Variants in GPM6A observed in about 807,000 individuals in gnomAD.
GPM6A encodes neuronal membrane glycoprotein M6-a.
A neutral mutation model predicts 32.1 loss-of-function variants in GPM6A; 7 were observed. The ratio of observed to expected loss-of-function variants is 0.22; its 90% confidence interval spans 0.12 to 0.41. The LOEUF is 0.41. Among genes scored for constraint, GPM6A ranks in the 10% least tolerant of loss-of-function variants. The pLI, the probability that GPM6A is intolerant of heterozygous loss-of-function variation, is 1.00. For missense variants in GPM6A, 235 were observed against 347.2 expected (o/e 0.68, Z 2.57); for synonymous variants, 130 against 123.4 (o/e 1.05, Z -0.35).
At chr4:175,891,038 A>C (rs1737632593) in intron 1 of GPM6A, among the ~76,000 whole-genome samples, 1 of 152,198 alleles carries the variant, frequency 6.6e-6, no homozygotes, top group Non-Finnish European at 1.5e-5. Flanking sequence ...AGCTAACACT[A>C]ACAACTAGGG....
chr4:175,799,125 C>T (rs1734358303), intron 1 of GPM6A, among the ~76,000 whole-genome samples: 1 of 152,080 alleles, frequency 6.6e-6, no homozygotes, highest in African/African-American at 2.4e-5. Flanking sequence ...CCCAACGTGG[C>T]TTTAAATAGC....
intron 1 of GPM6A, among the ~76,000 whole-genome samples, chr4:175,978,338 A>G (rs1740722227): frequency 6.6e-6 from 1 of 152,206 alleles, no homozygotes; most frequent in African/African-American, 2.4e-5. Context: ...CTATCATGAG[A>G]ACAGCATGGG....
At chr4:175,930,264 C>T (rs1205788467) in intron 1 of GPM6A, among the ~76,000 whole-genome samples, 1 of 151,990 alleles carries the variant, frequency 6.6e-6, no homozygotes, top group Non-Finnish European at 1.5e-5. Flanking sequence ...AGTTTCAAAA[C>T]AAAACTGCCA....
chr4:175,758,928 G>T (rs1397577825), intron 1 of GPM6A, among the ~76,000 whole-genome samples: 2 of 152,144 alleles, frequency 1.3e-5, no homozygotes, highest in Non-Finnish European at 2.9e-5. Flanking sequence ...CTTCCATTTT[G>T]TGGCAAAATG....
intron 1 of GPM6A, among the ~76,000 whole-genome samples, chr4:175,757,600 C>T (rs1420689796): frequency 1.3e-5 from 2 of 152,102 alleles, no homozygotes; most frequent in African/African-American, 4.8e-5. Flanking sequence ...TGAATGTTCT[C>T]AACATAAAGT....
At chr4:175,944,803 A>G (rs1337590982) in intron 1 of GPM6A, among the ~76,000 whole-genome samples, 2 of 152,202 alleles carry the variant, frequency 1.3e-5, no homozygotes, top group Non-Finnish European at 2.9e-5. Context: ...AACAGACATG[A>G]ATACAAAGGA....
chr4:175,879,972 C>A (rs1369439957), intron 1 of GPM6A, among the ~76,000 whole-genome samples: 1 of 152,044 alleles, frequency 6.6e-6, no homozygotes, highest in Non-Finnish European at 1.5e-5. Context: ...ATGCCTATGT[C>A]CTGAGTGGTA....
chr4:175,713,909 A>T (rs1164833926), intron 1 of GPM6A, among the ~76,000 whole-genome samples: 1 of 151,136 alleles, frequency 6.6e-6, no homozygotes, highest in African/African-American at 2.4e-5. Flanking sequence ...TTTCTCTCCA[A>T]TTTCCATCTT....
At chr4:175,731,729 G>A (rs975850311) in intron 1 of GPM6A, among the ~76,000 whole-genome samples, 1 of 152,062 alleles carries the variant, frequency 6.6e-6, no homozygotes, top group Non-Finnish European at 1.5e-5. Flanking sequence ...CACTTTGATA[G>A]CCCCTAAGTA....
chr4:175,798,873 T>TA (rs1316052239), intron 1 of GPM6A, among the ~76,000 whole-genome samples: 1 of 152,216 alleles, frequency 6.6e-6, no homozygotes, highest in Non-Finnish European at 1.5e-5. Context: ...AAGGGAAATG[T>TA]AAAATGCATT....
At position 175,953,249 on chromosome 4, in the gene GPM6A, C is replaced by T. The variant is rs531334614; in HGVS notation, c.-23+49060G>A. 1.1e-4 allele frequency among the ~76,000 whole-genome samples: 16 copies of T among 152,000 alleles called. No individual in the cohort carries two copies. In the South Asian group the frequency reaches 3.3e-3, roughly 32 times the overall value. The stretch of plus-strand genomic sequence containing the variant: ...TCCAAGAATTTGATAGTTTTTGAAG[C>T]TGAAAAACCTATAAATACACTGTGT... On this transcript the variant is annotated intron_variant, in intron 1 of 7. Coordinates refer to the GPM6A transcript ENST00000280187.
chr4:175,865,964 A>T (rs890226398), intron 1 of GPM6A, among the ~76,000 whole-genome samples: 4 of 152,112 alleles, frequency 2.6e-5, no homozygotes, highest in Non-Finnish European at 5.9e-5. Flanking sequence ...ATTGTGGAAA[A>T]ATTTTTAATT....
chr4:175,933,056 A>G (rs945373698), intron 1 of GPM6A, among the ~76,000 whole-genome samples: 1 of 152,056 alleles, frequency 6.6e-6, no homozygotes, highest in African/African-American at 2.4e-5. Flanking sequence ...TTGTACAAGA[A>G]ATGTCTTTAT....
chr4:175,870,765 T>A (rs1261695781), intron 1 of GPM6A, among the ~76,000 whole-genome samples: 2 of 152,184 alleles, frequency 1.3e-5, no homozygotes, highest in African/African-American at 4.8e-5. Context: ...GTTAGACAGC[T>A]AAGTTGGGAG....
At chr4:175,765,066 T>C (rs1732908413) in intron 1 of GPM6A, among the ~76,000 whole-genome samples, 1 of 151,710 alleles carries the variant, frequency 6.6e-6, no homozygotes, top group South Asian at 2.1e-4. Flanking sequence ...CAGAGATGTG[T>C]TTTTTCTATG....
At chr4:175,749,737 T>C (rs1177281835) in intron 1 of GPM6A, among the ~76,000 whole-genome samples, 2 of 152,206 alleles carry the variant, frequency 1.3e-5, no homozygotes, top group Non-Finnish European at 2.9e-5. Flanking sequence ...CAAATCACCC[T>C]TACTTTTTTA....
intron 1 of GPM6A, among the ~76,000 whole-genome samples, chr4:175,948,097 T>C (rs542689609): frequency 6.6e-5 from 10 of 152,322 alleles, no homozygotes; most frequent in African/African-American, 2.4e-4. Context: ...AGAGGACACC[T>C]GAAGATAATA....
At position 175,651,995 on chromosome 4, in the gene GPM6A, A is replaced by T; in HGVS notation, c.388-8T>A. 1 of 1,599,232 alleles carries T rather than the reference A, an allele frequency of 6.3e-7. No individual in the cohort carries two copies. Among genetic ancestry groups the T allele is most frequent in the Non-Finnish European group, 8.5e-7 (1 of 1,174,388 alleles). ...ATATGTCAGCATAATGAACTGCAAA[A>T]GAGAAAGAAATGGAGAGAGAAAATG... is the stretch of plus-strand genomic sequence containing the variant. On this transcript the variant is annotated splice_region_variant and splice_polypyrimidine_tract_variant and intron_variant, in intron 3 of 6. Transcript: ENST00000393658.
chr4:175,984,899 T>C (rs1717517447), intron 1 of GPM6A, among the ~76,000 whole-genome samples: 1 of 152,192 alleles, frequency 6.6e-6, no homozygotes, highest in South Asian at 2.1e-4. Flanking sequence ...TCCTCCCCTA[T>C]TATATATCAA....
Sources: allele counts gnomAD v4.1 joint callset (sites outside exome capture counted in the v4.1 genomes callset), GRCh38; gene constraint gnomAD v4.1.1; transcripts MANE v1.5; gene names NCBI Gene and HGNC (gene_info 2026-07-23, HGNC 2026-07-21).